Variants in BCAS3 observed in about 807,000 individuals in gnomAD.
BCAS3 encodes BCAS4/BCAS3 fusion.
A neutral mutation model predicts 116.1 loss-of-function variants in BCAS3; 53 were observed. The observed-to-expected ratio is 0.46, with a 90% CI of 0.37 to 0.57. The LOEUF (loss-of-function observed/expected upper bound fraction) is 0.57, where lower values mean the gene tolerates loss of function less well. Among genes scored for constraint, BCAS3 ranks in the 20% least tolerant of loss-of-function variants. The probability of loss-of-function intolerance (pLI) is 0.00; values close to 1 mark genes in which losing one functional copy is unlikely to be tolerated. For missense variants in BCAS3, 917 were observed against 1,165.4 expected (o/e 0.79, Z 3.10); for synonymous variants, 391 against 408.2 (o/e 0.96, Z 0.51).
rs1343355541 is a variant in BCAS3, at chr17:60,967,191, A to AG, written c.1221+19840dup. On this transcript the variant is annotated intron_variant, in intron 14 of 23. Coordinates refer to ENST00000407086, the MANE Select transcript of BCAS3 (RefSeq NM_017679.5). The surrounding 1 kb of genome is among the most constrained non-coding windows in gnomAD (Gnocchi z 4.7). Reference sequence around the variant, plus strand: ...TAGCACATCAGAGTTTTCTTGGTTCAGATTGAATTATTCTCGTTAGCATTT... The same window carrying AG: ...TAGCACATCAGAGTTTTCTTGGTTCAGGATTGAATTATTCTCGTTAGCATTT... 3.3e-5 allele frequency among the ~76,000 whole-genome samples: 5 copies of AG among 152,176 alleles called. No individual in the cohort carries two copies. Among genetic ancestry groups the AG allele is most frequent in the Non-Finnish European group, 4.4e-5 (3 of 68,030 alleles).
At position 61,181,560 on chromosome 17, in the gene BCAS3, C is replaced by T. The variant is rs2079483420; in HGVS notation, c.2425+96996C>T. On this transcript the variant is annotated intron_variant, in intron 22 of 23. Transcript: ENST00000407086. The surrounding 1 kb of genome is among the most constrained non-coding windows in gnomAD (Gnocchi z 5.0). The stretch of plus-strand genomic sequence containing the variant: ...TTGATAGTCTGGTCATTTCTTTTGT[C>T]TTTTGAAGAAAATATCCACTAATTG... 6.6e-6 allele frequency among the ~76,000 whole-genome samples: 1 copy of T among 152,142 alleles called. No homozygotes were observed. The highest frequency in any genetic ancestry group is 1.5e-5 in the Non-Finnish European group (1 of 68,006).
Position 61,219,119 on chromosome 17 carries a change from GAAGTA to G in BCAS3, c.2425+134560_2425+134564del, listed in dbSNP as rs2144372351. Reference sequence around the variant, plus strand: ...AATATTTTTATAGGAAATATGAAATGAAGTAAAGTCCAAAAGCAAACAGGTCTGTA... The same window carrying G: ...AATATTTTTATAGGAAATATGAAATGAAGTCCAAAAGCAAACAGGTCTGTA... On this transcript the variant is annotated intron_variant, in intron 22 of 23. Coordinates refer to ENST00000407086, the MANE Select transcript of BCAS3 (RefSeq NM_017679.5). This position sits in a 1 kb window ranked among gnomAD's most constrained non-coding sequence, Gnocchi z 5.2. Among the ~76,000 whole-genome samples, 1 of 152,276 alleles carries G rather than the reference GAAGTA, an allele frequency of 6.6e-6. No individual in the cohort carries two copies. Among genetic ancestry groups the G allele is most frequent in the Admixed American group, 6.5e-5 (1 of 15,292 alleles).
chr17:61,350,944 A>G (rs1345410151), intron 22 of BCAS3, among the ~76,000 whole-genome samples: 4 of 152,130 alleles, frequency 2.6e-5, no homozygotes, highest in Admixed American at 1.3e-4. Context: ...TTCAATCTTA[A>G]AAAAGAAGGA....
At position 61,139,660 on chromosome 17, in the gene BCAS3, C is replaced by T. The variant is rs573652027; in HGVS notation, c.2425+55096C>T. On this transcript the variant is annotated intron_variant, in intron 22 of 23. Coordinates refer to ENST00000407086, the MANE Select transcript of BCAS3 (RefSeq NM_017679.5). The surrounding 1 kb of genome is among the most constrained non-coding windows in gnomAD (Gnocchi z 4.7). ...CTCATACATGCAGTATAGTTCAGTG[C>T]GATTAAAAGTCATCATGCTACATGA... 3.3e-5 allele frequency among the ~76,000 whole-genome samples: 5 copies of T among 152,140 alleles called. No homozygotes were observed. The highest frequency in any genetic ancestry group is 2.1e-4 in the South Asian group (1 of 4,818).
intron 22 of BCAS3, among the ~76,000 whole-genome samples, chr17:61,089,547 TGA>T (rs1256739758): frequency 7.6e-6 from 1 of 131,722 alleles, no homozygotes; most frequent in Non-Finnish European, 1.6e-5. Flanking sequence ...TTTTTTTTTT[TGA>T]GACGGAGTCT....
chr17:60,872,750 G>A (rs146035498), intron 8 of BCAS3, among the ~76,000 whole-genome samples: 5 of 147,440 alleles, frequency 3.4e-5, no homozygotes, highest in African/African-American at 1.3e-4. Context: ...ATATCTGTAT[G>A]TATATACACA....
At position 61,392,331 on chromosome 17, in the gene BCAS3, C is replaced by T. The variant is rs985400287; in HGVS notation, c.*206C>T. On this transcript the variant is annotated 3_prime_UTR_variant, in exon 24 of 24. Coordinates refer to ENST00000407086, the MANE Select transcript of BCAS3 (RefSeq NM_017679.5). This position sits in a 1 kb window ranked among gnomAD's most constrained non-coding sequence, Gnocchi z 6.4. ...CGCACTTGCCCTCTGCCACACCTGTCGGTGGAGGCTGTGGCCAGGAGAGAC... is the reference window on the plus strand; with the variant it reads ...CGCACTTGCCCTCTGCCACACCTGTTGGTGGAGGCTGTGGCCAGGAGAGAC... The T allele has an allele frequency of 4.4e-5, 25 of 568,552 alleles. No individual in the cohort carries two copies. Among genetic ancestry groups the T allele is most frequent in the Middle Eastern group, 2.6e-4 (1 of 3,784 alleles). 35.2% of individuals were successfully genotyped at this position (568,552 alleles called of 1,614,324 possible). A position where few individuals can be genotyped will look rare whatever the true frequency, so the allele number is the denominator to read the frequency against.
In BCAS3 at chr17:61,082,508, A is replaced by G. The variant is rs944489713; in HGVS notation, c.2328-1959A>G. On this transcript the variant is annotated intron_variant, in intron 21 of 23. Transcript: ENST00000407086. The surrounding 1 kb of genome is among the most constrained non-coding windows in gnomAD (Gnocchi z 5.1). ...TAGCCCCATTCACACCCTACCTCCA[A>G]CTCTGGATTATTCAGAAACCCCAAT... Among the ~76,000 whole-genome samples, 1 of 152,080 alleles carries G rather than the reference A, an allele frequency of 6.6e-6. No individual in the cohort carries two copies. The highest frequency in any genetic ancestry group is 1.5e-5 in the Non-Finnish European group (1 of 68,026).
rs1280630150 is a variant in BCAS3 at position 60,995,507 on chromosome 17, A to G, written c.1486+5272A>G. 6.6e-6 allele frequency among the ~76,000 whole-genome samples: 1 copy of G among 151,770 alleles called. No homozygotes were observed. Among genetic ancestry groups the G allele is most frequent in the Non-Finnish European group, 1.5e-5 (1 of 67,942 alleles). On this transcript the variant is annotated intron_variant, in intron 15 of 23. Transcript: ENST00000407086. The surrounding 1 kb of genome is among the most constrained non-coding windows in gnomAD (Gnocchi z 4.7). ...GAGACTGGGTTTCACAATGTTGGCCAGGCTGGTCTCAAACTCCTGACCTCA... is the reference window on the plus strand; with the variant it reads ...GAGACTGGGTTTCACAATGTTGGCCGGGCTGGTCTCAAACTCCTGACCTCA...
At chr17:60,927,725 T>G (rs1164257431) in intron 13 of BCAS3, among the ~76,000 whole-genome samples, 4 of 152,188 alleles carry the variant, frequency 2.6e-5, no homozygotes, top group Non-Finnish European at 4.4e-5. Context: ...TAATCCTATA[T>G]GGAGATGCTA....
chr17:60,847,300 A>G (rs1320446864), intron 7 of BCAS3, among the ~76,000 whole-genome samples: 1 of 152,208 alleles, frequency 6.6e-6, no homozygotes, highest in Non-Finnish European at 1.5e-5. Context: ...ACATTCATGT[A>G]GACGTTTTTG....
At position 61,228,417 on chromosome 17, in the gene BCAS3, C is replaced by T. The variant is rs1157990581; in HGVS notation, c.2426-139910C>T. Among the ~76,000 whole-genome samples, 2 of 152,156 alleles carry T rather than the reference C, an allele frequency of 1.3e-5. No homozygotes were observed. Among genetic ancestry groups the T allele is most frequent in the Non-Finnish European group, 2.9e-5 (2 of 68,044 alleles). The stretch of plus-strand genomic sequence containing the variant: ...ATTTAAAAGCACTAAAGTATAGGCA[C>T]ACCTCATTTTACTGCATTTTGCTTG... On this transcript the variant is annotated intron_variant, in intron 22 of 23. Transcript: ENST00000407086. The surrounding 1 kb of genome is among the most constrained non-coding windows in gnomAD (Gnocchi z 5.0).
At chr17:60,973,876 G>A (rs1204257991) in intron 14 of BCAS3, among the ~76,000 whole-genome samples, 4 of 152,116 alleles carry the variant, frequency 2.6e-5, no homozygotes, top group African/African-American at 9.7e-5. Flanking sequence ...ATAGGCGTGA[G>A]CCACCACACC....
rs149536707 is a variant in BCAS3, at chr17:61,237,813, C to G, written c.2426-130514C>G. 3.7e-4 allele frequency among the ~76,000 whole-genome samples: 57 copies of G among 152,294 alleles called. 1 individual carries two copies. The highest frequency in any genetic ancestry group is 1.4e-3 in the African/African-American group (57 of 41,570). ...GCTCTTAACTGCTTTTTGTATTACTCTCTATTCCTTTTAAATTGGCTGACT... is the reference window on the plus strand; with the variant it reads ...GCTCTTAACTGCTTTTTGTATTACTGTCTATTCCTTTTAAATTGGCTGACT... On this transcript the variant is annotated intron_variant, in intron 22 of 23. Transcript: ENST00000407086.
intron 22 of BCAS3, among the ~76,000 whole-genome samples, chr17:61,212,743 G>A (rs1645830425): frequency 6.6e-6 from 1 of 152,144 alleles, no homozygotes; most frequent in South Asian, 2.1e-4. Context: ...ATTCAGTGGT[G>A]CTAGTTTCCA....
At chr17:60,787,578 A>G (rs1296526685) in intron 6 of BCAS3, among the ~76,000 whole-genome samples, 1 of 152,198 alleles carries the variant, frequency 6.6e-6, no homozygotes, top group South Asian at 2.1e-4. Context: ...AAGTAAATCA[A>G]CAGTATATAA....
chr17:60,758,673 C>T (rs2043219984), intron 6 of BCAS3, among the ~76,000 whole-genome samples: 1 of 152,118 alleles, frequency 6.6e-6, no homozygotes, highest in African/African-American at 2.4e-5. Flanking sequence ...TGAGCCACCG[C>T]ACCCGGCCGC....
intron 23 of BCAS3, among the ~76,000 whole-genome samples, chr17:61,372,074 G>T (rs1218377729): frequency 1.3e-5 from 2 of 152,122 alleles, no homozygotes; most frequent in Non-Finnish European, 2.9e-5. Context: ...TCCAATTCGA[G>T]CTCAATCCAA....
At position 61,128,370 on chromosome 17, in the gene BCAS3, G is replaced by C. The variant is rs2076154742; in HGVS notation, c.2425+43806G>C. The C allele has an allele frequency of 1.0e-6, 1 of 985,350 alleles. No homozygotes were observed. The highest frequency in any genetic ancestry group is 1.2e-6 in the Non-Finnish European group (1 of 829,912). The allele number at this position is 985,350 out of a possible 1,614,324, so 61.0% of individuals were successfully genotyped here. ...CCTTTCTTATTTGTTTGATGTACAG[G>C]CTTATTTAAGTGAAAGGTGGGACAC... On this transcript the variant is annotated intron_variant, in intron 22 of 23. Transcript: ENST00000407086. This position sits in a 1 kb window ranked among gnomAD's most constrained non-coding sequence, Gnocchi z 4.1.
Sources: allele counts gnomAD v4.1 joint callset (sites outside exome capture counted in the v4.1 genomes callset), GRCh38; gene constraint gnomAD v4.1.1; non-coding constraint Gnocchi (gnomAD v3.1); transcripts MANE v1.5; gene names NCBI Gene and HGNC (gene_info 2026-07-23, HGNC 2026-07-21).